Variants in PZP observed in about 807,000 individuals in gnomAD.
PZP encodes the protein PZP alpha-2-macroglobulin like.
Under a neutral mutation model 179.8 loss-of-function variants are expected in PZP, and 150 were observed. The ratio of observed to expected loss-of-function variants is 0.83; its 90% CI spans 0.73 to 0.96. The LOEUF (loss-of-function observed/expected upper bound fraction) is 0.96, where lower values mean the gene tolerates loss of function less well. Ranked by LOEUF, PZP falls within the 40% of genes least tolerant of loss-of-function variation. The pLI is 0.00. For missense variants in PZP, 1,689 were observed against 1,764.0 expected, an observed-to-expected ratio of 0.96 and a Z score of 0.76; for synonymous variants, 624 against 652.3, an observed-to-expected ratio of 0.96 and a Z score of 0.66.
chr12:9,194,834 G>T (rs1435504686), intron 10 of PZP, among the ~76,000 whole-genome samples: 1 of 152,142 alleles, frequency 6.6e-6, no homozygotes, highest in Non-Finnish European at 1.5e-5. Context: ...TAAAAGAAAT[G>T]AATTTAAACT....
chr12:9,187,647 C>G (rs1021189030), intron 13 of PZP, among the ~76,000 whole-genome samples: 1 of 152,262 alleles, frequency 6.6e-6, no homozygotes, highest in African/African-American at 2.4e-5. Context: ...AACAAAGATA[C>G]AACACACCAG....
downstream of PZP, chr12:9,148,806 T>C: frequency 1.6e-6 from 1 of 606,798 alleles, no homozygotes; most frequent in Non-Finnish European, 2.8e-6. Context: ...GAACATGTTA[T>C]TAATGTCTGA....
chr12:9,146,652 G>T (rs1331511673), downstream of PZP, among the ~76,000 whole-genome samples: 2 of 152,090 alleles, frequency 1.3e-5, no homozygotes, highest in Admixed American at 6.6e-5. Flanking sequence ...ATAGGAGAAG[G>T]TTCCTATCAA....
In PZP at chr12:9,161,066, T is replaced by G; in HGVS notation, c.2839A>C (p.Lys947Gln). The G allele has an allele frequency of 6.2e-7, 1 of 1,603,726 alleles. No individual in the cohort carries two copies. The highest frequency in any genetic ancestry group is 8.5e-7 in the Non-Finnish European group (1 of 1,170,736). ...GAGAAAGAAGCTCTGGCAGATTCTT[T>G]GACCACATTTGATGGGAGCTTCAAG... Reference protein sequence around the residue: ...LSLKLPSNVVKESARASFSVL... With the variant: ...LSLKLPSNVVQESARASFSVL... Residue 947 changes from lysine (K) to glutamine (Q), a missense_variant, in exon 23 of 36, where the codon AAA (lysine) becomes CAA (glutamine). This residue lies in a region of PZP where 746 missense variants were observed against 749.2 expected (regional missense o/e 1.00). Transcript: ENST00000261336.
chr12:9,207,652 C>T (rs764317489), intron 1 of PZP, among the ~76,000 whole-genome samples: 6 of 152,160 alleles, frequency 3.9e-5, no homozygotes, highest in African/African-American at 1.2e-4. Flanking sequence ...CCAAGAAGGA[C>T]GGAGAACTTT....
At position 9,200,402 on chromosome 12, in the gene PZP, A is replaced by G. The variant is rs371087063; in HGVS notation, c.717T>C (p.Ser239=). 7.9e-5 allele frequency: 128 copies of G among 1,611,450 alleles called. No individual in the cohort carries two copies. The highest frequency in any genetic ancestry group is 1.1e-4 in the Non-Finnish European group (127 of 1,177,714). ...EVKVQVPKII[S]IMDEKVNITV... ...TTATGTTCACTTTTTCATCCATGAT[A>G]CTGATTATCTTTGGCACCTGAACTT... The change falls in exon 7 of 36, where the codon AGT becomes AGC. Residue 239 remains serine (S), a synonymous_variant. Transcript: ENST00000261336.
chr12:9,166,259 A>G (rs1941579912), intron 17 of PZP, 57 bp from the exon 18 acceptor site: 3 of 1,559,554 alleles, frequency 1.9e-6, no homozygotes, highest in Non-Finnish European at 2.6e-6. Context: ...TTCATGGTGC[A>G]CATGTGAGAC....
intron 24 of PZP, 36 bp downstream of exon 24, chr12:9,160,278 A>C: frequency 6.4e-7 from 1 of 1,558,776 alleles, no homozygotes; most frequent in South Asian, 1.2e-5. Flanking sequence ...AAGTTTCATT[A>C]GAGTAACAAA....
chr12:9,189,748 A>G (rs953359072), intron 13 of PZP, among the ~76,000 whole-genome samples: 1 of 152,228 alleles, frequency 6.6e-6, no homozygotes, highest in African/African-American at 2.4e-5. Context: ...TGCATCCAAT[A>G]AAGGTCTAAT....
intron 17 of PZP, 61 bp from the exon 18 acceptor site, chr12:9,166,263 G>A (rs1443724530): frequency 6.5e-7 from 1 of 1,547,914 alleles, no homozygotes; most frequent in Non-Finnish European, 8.8e-7. Flanking sequence ...TGGTGCACAT[G>A]TGAGACGTTA....
chr12:9,169,300 G>A lies in PZP; in HGVS notation c.2001+130C>T, dbSNP rs779356872. ...ACAAGAGACTTTAACCTTTTTATTG[G>A]CTTCATTTTTGTCTGCTGAAAAATG... On this transcript the variant is annotated intron_variant, in intron 16 of 35. Coordinates refer to ENST00000261336, the MANE Select transcript of PZP (RefSeq NM_002864.3). The A allele has an allele frequency of 9.6e-5, 89 of 925,892 alleles. No individual in the cohort carries two copies. In the African/African-American group the frequency reaches 1.4e-3, roughly 15 times the overall value. 57.4% of individuals were successfully genotyped at this position (925,892 alleles called of 1,614,324 possible).
At position 9,153,131 on chromosome 12, in the gene PZP, A is replaced by T. The variant is rs753215478; in HGVS notation, c.3987T>A (p.Tyr1329Ter). 1 of 1,614,026 alleles carries T rather than the reference A, an allele frequency of 6.2e-7. No homozygotes were observed. The highest frequency in any genetic ancestry group is 2.2e-5 in the East Asian group (1 of 44,884). ...VITVTGERCV[Y>*]LQTSMKYNIL... is the part of the protein sequence containing the mutation. ...TATAAGCTTGGAGCCCTACCTGAAGATACACACATCTTTCCCCAGTTACTG... is the reference window on the plus strand; with the variant it reads ...TATAAGCTTGGAGCCCTACCTGAAGTTACACACATCTTTCCCCAGTTACTG... The change falls in exon 30 of 36, where the codon TAT (tyrosine) becomes TAA (stop). Residue 1329 changes from tyrosine (Y) to a stop codon, truncating the protein, a stop_gained. Coordinates refer to ENST00000261336, the MANE Select transcript of PZP (RefSeq NM_002864.3). LOFTEE classifies it high-confidence loss of function.
chr12:9,164,228 A>G lies in PZP; in HGVS notation c.2519T>C (p.Phe840Ser), dbSNP rs1047725818. The part of the protein sequence containing the change: ...VSVQLKASPA[F>S]LASQNTKGEE... ...TCCCTTTGTATTTTGGGAAGCTAGG[A>G]AGGCTGGAGAGGCTTTCAGCTGCAC... is the stretch of plus-strand genomic sequence containing the variant. Residue 840 changes from phenylalanine to serine, a missense_variant, in exon 20 of 36, where the codon TTC becomes TCC. Physicochemically the swap from Phe to Ser is radical, Grantham distance 155. Transcript: ENST00000261336. 1 of 1,612,818 alleles carries G rather than the reference A, an allele frequency of 6.2e-7. No individual in the cohort carries two copies. The highest frequency in any genetic ancestry group is 8.5e-7 in the Non-Finnish European group (1 of 1,179,010).
intron 10 of PZP, among the ~76,000 whole-genome samples, chr12:9,195,691 C>T (rs1391407366): frequency 2.1e-5 from 3 of 144,494 alleles, no homozygotes; most frequent in Admixed American, 7.4e-5. Flanking sequence ...TGGCCTCAGG[C>T]GATCCTCCCC....
At chr12:9,174,575 C>T (rs2377745) in intron 15 of PZP, among the ~76,000 whole-genome samples, 90,162 of 151,870 alleles carry the variant, frequency 0.59, 27,693 homozygotes, top group East Asian at 0.83. Flanking sequence ...TTATCTCAGT[C>T]CAAAAGATTC....
intron 28 of PZP, among the ~76,000 whole-genome samples, chr12:9,156,673 A>G (rs906377881): frequency 2.6e-5 from 4 of 152,216 alleles, no homozygotes; most frequent in Admixed American, 2.0e-4. Context: ...CATTATGTCT[A>G]TTATGTTCTG....
rs1944317773 is a variant in PZP at position 9,203,911 on chromosome 12, C to A, written c.124G>T (p.Ala42Ser). ...VLVPSLLHTE[A>S]PKKGCVLLSH... ...AGAAGGACACAGCCCTTCTTAGGGGCCTCAGTGTGGAGCAGGGAGGGGACC... is the reference window on the plus strand; with the variant it reads ...AGAAGGACACAGCCCTTCTTAGGGGACTCAGTGTGGAGCAGGGAGGGGACC... Residue 42 changes from alanine to serine, a missense_variant, in exon 2 of 36, where the codon GCC becomes TCC. Around this residue, in one of 3 missense-constraint regions of PZP, gnomAD observed 742 missense variants for 730.5 expected, o/e 1.02. Coordinates refer to ENST00000261336, the MANE Select transcript of PZP (RefSeq NM_002864.3). The A allele has an allele frequency of 1.2e-6, 2 of 1,613,896 alleles. No individual in the cohort carries two copies. The highest frequency in any genetic ancestry group is 8.5e-7 in the Non-Finnish European group (1 of 1,179,978).
At chr12:9,162,707 A>G (rs1941294366) in intron 21 of PZP, 59 bp from the exon 22 acceptor site, 3 of 1,317,504 alleles carry the variant, frequency 2.3e-6, no homozygotes, top group African/African-American at 2.9e-5. Context: ...CAAGAGAACC[A>G]CATGGATTCC....
In PZP at chr12:9,191,057, A is replaced by T. The variant is rs147923111; in HGVS notation, c.1546+1136T>A. ...TAGCTATATAGAGAAATTTTTTCCAATTGTTGACTCAGCTACTTTCAATAA... is the reference window on the plus strand; with the variant it reads ...TAGCTATATAGAGAAATTTTTTCCATTTGTTGACTCAGCTACTTTCAATAA... On this transcript the variant is annotated intron_variant, in intron 13 of 35. Transcript: ENST00000261336. Among the ~76,000 whole-genome samples the T allele has an allele frequency of 3.3e-3, 509 of 152,260 alleles. 4 individuals are homozygous for T. Among genetic ancestry groups the T allele is most frequent in the African/African-American group, 0.012 (478 of 41,558 alleles).
Sources: allele counts gnomAD v4.1 joint callset (sites outside exome capture counted in the v4.1 genomes callset), GRCh38; gene constraint gnomAD v4.1.1; regional missense constraint gnomAD v4.1.1; transcripts MANE v1.5; gene names NCBI Gene and HGNC (gene_info 2026-07-23, HGNC 2026-07-21).